The following DACH2 variants were observed in gnomAD, a reference collection of about 807,000 sequenced individuals.
DACH2 encodes the protein dachshund homolog 2.
In DACH2, 17 loss-of-function variants were observed where a neutral mutation model predicts 35.8. The observed-to-expected ratio is 0.48, with a 90% CI of 0.33 to 0.71. The LOEUF is 0.71. DACH2 is among the 30% of genes least tolerant of loss of function. DACH2 has a pLI of 0.02. For missense variants in DACH2, 469 were observed against 472.7 expected, an observed-to-expected ratio of 0.99 and a Z score of 0.07; for synonymous variants, 195 against 177.3, an observed-to-expected ratio of 1.10 and a Z score of -0.79.
intron 1 of DACH2, among the ~76,000 whole-genome samples, chrX:86,322,113 C>G (rs1003594477): frequency 9.0e-6 from 1 of 110,893 alleles, no homozygotes. Flanking sequence ...CTCCACAGAC[C>G]TGCCTGATTT....
chrX:86,619,051 C>G (rs1443304979), intron 3 of DACH2, among the ~76,000 whole-genome samples: 1 of 111,888 alleles, frequency 8.9e-6, no homozygotes, highest in Non-Finnish European at 1.9e-5. Context: ...TGAAAATACA[C>G]TTGTTAGTCT....
chrX:86,391,914 G>A (rs1306413901), intron 2 of DACH2, among the ~76,000 whole-genome samples: 1 of 110,897 alleles, frequency 9.0e-6, no homozygotes, highest in Admixed American at 9.6e-5. Flanking sequence ...ATCACACAAT[G>A]GAACATGATT....
At chrX:86,669,471 A>C (rs1470489678) in intron 4 of DACH2, among the ~76,000 whole-genome samples, 1 of 111,552 alleles carries the variant, frequency 9.0e-6, no homozygotes, top group East Asian at 2.8e-4. Flanking sequence ...TTTAGTTCAC[A>C]AAGCAGTTTC....
At chrX:86,725,181 A>G (rs915983156) in intron 6 of DACH2, among the ~76,000 whole-genome samples, 18 of 111,404 alleles carry the variant, frequency 1.6e-4, no homozygotes, top group African/African-American at 5.9e-4. Flanking sequence ...TCTGTCATTC[A>G]GTAATTTCAT....
At chrX:86,719,925 CTTTTTTCTTTTTTTTTTCT>C (rs2041382381) in intron 6 of DACH2, among the ~76,000 whole-genome samples, 1 of 69,200 alleles carries the variant, frequency 1.4e-5, no homozygotes, top group Non-Finnish European at 2.8e-5. Context: ...CTTTTTTTTT[CTTTTTTCTTTTTTTTTTCT>C]TTTTTTTTTT....
chrX:86,829,396 T>C (rs2147372236), intron 11 of DACH2: 1 of 112,525 alleles, frequency 8.9e-6, no homozygotes, highest in African/African-American at 3.2e-5. Flanking sequence ...CCAAATTAAG[T>C]TACTTCAAAA....
chrX:86,342,843 C>T (rs777011639), intron 1 of DACH2, among the ~76,000 whole-genome samples: 1 of 110,876 alleles, frequency 9.0e-6, no homozygotes, highest in African/African-American at 3.3e-5. Context: ...GAGATTGCCA[C>T]AGCCATTCTA....
intron 2 of DACH2, among the ~76,000 whole-genome samples, chrX:86,432,577 T>G (rs2037001926): frequency 8.9e-6 from 1 of 111,985 alleles, no homozygotes; most frequent in South Asian, 3.7e-4. Context: ...GGCAGATATA[T>G]TGATTAACAG....
At chrX:86,563,916 A>G (rs1042669487) in intron 3 of DACH2, among the ~76,000 whole-genome samples, 8 of 111,251 alleles carry the variant, frequency 7.2e-5, no homozygotes, top group Non-Finnish European at 1.5e-4. Flanking sequence ...TTATACAAAT[A>G]CATTCCCTTA....
At chrX:86,332,977 T>A (rs1232686347) in intron 1 of DACH2, among the ~76,000 whole-genome samples, 1 of 112,070 alleles carries the variant, frequency 8.9e-6, no homozygotes, top group Non-Finnish European at 1.9e-5. Flanking sequence ...CTTATTAGTT[T>A]TTCACTGATC....
At chrX:86,394,468 AT>A (rs986872327) in intron 2 of DACH2, among the ~76,000 whole-genome samples, 1 of 111,484 alleles carries the variant, frequency 9.0e-6, no homozygotes, top group Non-Finnish European at 1.9e-5. Context: ...AATCTGAAAA[AT>A]TTAAAATGTA....
At chrX:86,802,873 C>A (rs1167120754) in intron 7 of DACH2, among the ~76,000 whole-genome samples, 2 of 112,033 alleles carry the variant, frequency 1.8e-5, no homozygotes, top group African/African-American at 6.5e-5. Flanking sequence ...CCAAACACAT[C>A]TCTTTAAAAC....
chrX:86,421,329 T>C (rs1279096118), intron 2 of DACH2, among the ~76,000 whole-genome samples: 1 of 111,536 alleles, frequency 9.0e-6, no homozygotes, highest in African/African-American at 3.2e-5. Context: ...ATTTGATTTT[T>C]AAAGCAGCCC....
rs958756007 is a variant in DACH2 at position 86,435,633 on chromosome X, T to G, written c.527+58771T>G. On this transcript the variant is annotated intron_variant, in intron 2 of 11. Coordinates refer to ENST00000373125, the MANE Select transcript of DACH2 (RefSeq NM_053281.3). ...ATCGATACAATTTTGGAAAAATTTT[T>G]GAGTGAAGATACAGTTGCAAATTTA... is the stretch of plus-strand genomic sequence containing the variant. 4.5e-5 allele frequency among the ~76,000 whole-genome samples: 5 copies of G among 112,079 alleles called. No homozygotes were observed. In the South Asian group the frequency reaches 1.8e-3, roughly 41 times the overall value.
intron 3 of DACH2, among the ~76,000 whole-genome samples, chrX:86,644,445 T>G (rs2148401303): frequency 9.2e-6 from 1 of 108,640 alleles, no homozygotes; most frequent in African/African-American, 3.4e-5. Context: ...TGGAAAAACA[T>G]TCCTTGCCCA....
intron 5 of DACH2, among the ~76,000 whole-genome samples, chrX:86,700,272 C>T (rs1053015099): frequency 4.5e-5 from 5 of 110,325 alleles, no homozygotes; most frequent in African/African-American, 6.6e-5. Flanking sequence ...TGTATTAGGC[C>T]CATTTGGTCA....
At chrX:86,529,964 C>CAA (rs2038690391) in intron 3 of DACH2, among the ~76,000 whole-genome samples, 1 of 50,398 alleles carries the variant, frequency 2.0e-5, no homozygotes, top group Non-Finnish European at 4.1e-5. Flanking sequence ...CACACACACA[C>CAA]ACACACACAC....
chrX:86,579,250 G>A (rs1602665822), intron 3 of DACH2, among the ~76,000 whole-genome samples: 2 of 110,471 alleles, frequency 1.8e-5, no homozygotes. Context: ...CTGCCATTAT[G>A]CCTGGCTAAT....
rs943582816 is a variant in DACH2, at chrX:86,203,881, A to AT, written c.488+54775dup. Among the ~76,000 whole-genome samples, 5 of 111,477 alleles carry AT rather than the reference A, an allele frequency of 4.5e-5. No homozygotes were observed. The East Asian group carries it at 1.4e-3, about 31-fold the overall frequency. On this transcript the variant is annotated intron_variant, in intron 1 of 11. Coordinates refer to ENST00000373125, the MANE Select transcript of DACH2 (RefSeq NM_053281.3). ...TAAAACAGAAGTAGGTGTCTACGGG[A>AT]TTGTAATGGGATTGTAGAGGACTGT...
Sources: allele counts gnomAD v4.1 joint callset (sites outside exome capture counted in the v4.1 genomes callset), GRCh38; gene constraint gnomAD v4.1.1; transcripts MANE v1.5; gene names NCBI Gene and HGNC (gene_info 2026-07-23, HGNC 2026-07-21).